The following CSMD1 variants were observed in gnomAD, a reference collection of about 807,000 sequenced individuals.
CSMD1 encodes the protein CUB and sushi domain-containing protein 1.
Under a neutral mutation model 417.5 loss-of-function variants are expected in CSMD1, and 213 were observed. That is an observed-to-expected ratio of 0.51 (90% CI 0.46 to 0.57). CSMD1 has a LOEUF of 0.57. Ranked by LOEUF, CSMD1 falls within the 20% of genes least tolerant of loss-of-function variation. The pLI is 0.00. For synonymous variants in CSMD1, 2,862 were observed against 1,736.8 expected (o/e 1.65, Z -16.11); for missense variants, 6,923 against 4,529.7 (o/e 1.53, Z -15.17).
chr8:4,593,827 T>C (rs976381206), intron 2 of CSMD1, among the ~76,000 whole-genome samples: 1 of 152,210 alleles, frequency 6.6e-6, no homozygotes, highest in Admixed American at 6.5e-5. Flanking sequence ...TTCTAGAGAA[T>C]GGAGCAGTTT....
chr8:3,887,774 G>C (rs1806664921), intron 5 of CSMD1, among the ~76,000 whole-genome samples: 1 of 152,116 alleles, frequency 6.6e-6, no homozygotes. Context: ...TAAATGAACT[G>C]AGTGTGTGGT....
chr8:4,260,503 TGTTAAAGAACACTA>T (rs1803802291), intron 3 of CSMD1, among the ~76,000 whole-genome samples: 2 of 152,196 alleles, frequency 1.3e-5, no homozygotes, highest in South Asian at 4.1e-4. Context: ...AGGCAAACAA[TGTTAAAGAACACTA>T]GTCAAATGGC....
chr8:4,696,492 G>C (rs1807142622), intron 1 of CSMD1, among the ~76,000 whole-genome samples: 1 of 152,196 alleles, frequency 6.6e-6, no homozygotes, highest in Non-Finnish European at 1.5e-5. Context: ...GAACTTCAGA[G>C]ATCTGTAGAG....
intron 3 of CSMD1, among the ~76,000 whole-genome samples, chr8:4,195,669 C>A (rs569578783): frequency 3.9e-5 from 6 of 152,242 alleles, no homozygotes; most frequent in Admixed American, 3.9e-4. Context: ...CATGATGAAG[C>A]AGAGGCTGTG....
chr8:4,308,646 C>T (rs547617251), intron 3 of CSMD1, among the ~76,000 whole-genome samples: 10 of 152,162 alleles, frequency 6.6e-5, no homozygotes, highest in African/African-American at 2.2e-4. Context: ...ATTCTTATTC[C>T]AAGAACAGTT....
intron 1 of CSMD1, among the ~76,000 whole-genome samples, chr8:4,698,967 C>T (rs188836114): frequency 2.0e-5 from 3 of 151,592 alleles, no homozygotes; most frequent in Non-Finnish European, 4.4e-5. Flanking sequence ...ACGAACACGT[C>T]AGGATTATCA....
chr8:4,376,671 C>A (rs966620781), intron 3 of CSMD1, among the ~76,000 whole-genome samples: 4 of 152,140 alleles, frequency 2.6e-5, no homozygotes, highest in African/African-American at 7.2e-5. Context: ...CATATCACAC[C>A]GTTGTTAACG....
intron 5 of CSMD1, among the ~76,000 whole-genome samples, chr8:3,762,089 C>T (rs754545787): frequency 6.6e-6 from 1 of 152,070 alleles, no homozygotes. Context: ...TCTCCTGAGC[C>T]CTCCCACTCA....
At chr8:4,280,237 A>C (rs544263774) in intron 3 of CSMD1, among the ~76,000 whole-genome samples, 1 of 152,358 alleles carries the variant, frequency 6.6e-6, no homozygotes, top group East Asian at 1.9e-4. Context: ...CTCTTTAGGC[A>C]TATAGTTAGC....
In CSMD1 at chr8:3,529,787, TCTGAG is replaced by T. The variant is rs543444060; in HGVS notation, c.1345-36066_1345-36062del. Among the ~76,000 whole-genome samples the T allele has an allele frequency of 3.9e-4, 60 of 152,294 alleles. 1 individual carries two copies. The South Asian group carries it at 4.8e-3, about 12-fold the overall frequency. On this transcript the variant is annotated intron_variant, in intron 10 of 69. Coordinates refer to ENST00000635120, the MANE Select transcript of CSMD1 (RefSeq NM_033225.6). ...TGCATCAACATACTTCGTTTCCTCT[TCTGAG>T]CAATCCCTCCTGGAATTTTCCCACT...
intron 9 of CSMD1, among the ~76,000 whole-genome samples, chr8:3,576,268 AAATAATAATAAT>A (rs60673988): frequency 1.8e-4 from 27 of 147,636 alleles, no homozygotes; most frequent in Admixed American, 7.4e-4. Context: ...ATGCATGTCA[AAATAATAATAAT>A]AATAATAATA....
At chr8:3,641,024 C>CTTTTTTTTTTTT (rs34851559) in intron 7 of CSMD1, among the ~76,000 whole-genome samples, 18 of 102,748 alleles carry the variant, frequency 1.8e-4, no homozygotes, top group East Asian at 5.7e-4. Flanking sequence ...TCCTTTTTTC[C>CTTTTTTTTTTTT]TTTTTTTTTT....
intron 49 of CSMD1, among the ~76,000 whole-genome samples, chr8:3,079,430 T>G (rs1813923738): frequency 6.6e-6 from 1 of 152,206 alleles, no homozygotes. Flanking sequence ...AATCTAAATG[T>G]CTGGAAATAT....
chr8:3,932,826 T>C (rs1375735417), intron 5 of CSMD1, among the ~76,000 whole-genome samples: 3 of 150,574 alleles, frequency 2.0e-5, no homozygotes, highest in African/African-American at 7.3e-5. Context: ...AATATATTTC[T>C]CTTTTTTATG....
intron 3 of CSMD1, among the ~76,000 whole-genome samples, chr8:4,302,279 G>C (rs899716378): frequency 2.0e-5 from 3 of 152,150 alleles, no homozygotes; most frequent in Non-Finnish European, 4.4e-5. Context: ...ATAGGTAAGA[G>C]ATATCCTTGG....
At chr8:3,711,856 G>A (rs560269329) in intron 6 of CSMD1, among the ~76,000 whole-genome samples, 22 of 152,136 alleles carry the variant, frequency 1.4e-4, no homozygotes, top group Non-Finnish European at 2.6e-4. Flanking sequence ...ATAATAAAGA[G>A]CATAGAACTC....
chr8:3,577,699 A>G (rs1028084682), intron 9 of CSMD1, among the ~76,000 whole-genome samples: 4 of 152,212 alleles, frequency 2.6e-5, no homozygotes, highest in Non-Finnish European at 4.4e-5. Flanking sequence ...CCTCCTTCTT[A>G]GGACATTGTT....
At chr8:4,699,829 G>T (rs977091508) in intron 1 of CSMD1, among the ~76,000 whole-genome samples, 1 of 152,206 alleles carries the variant, frequency 6.6e-6, no homozygotes, top group African/African-American at 2.4e-5. Flanking sequence ...TGCCGATGCA[G>T]AGAGTACAAG....
chr8:3,635,608 T>TGA (rs1584996055), intron 7 of CSMD1, among the ~76,000 whole-genome samples: 2 of 151,042 alleles, frequency 1.3e-5, no homozygotes, highest in East Asian at 4.0e-4. Flanking sequence ...GTCAACCTCC[T>TGA]GAGTAGCTGG....
Sources: gnomAD v4.1 joint callset for allele counts (sites outside exome capture counted in the v4.1 genomes callset) on GRCh38, gnomAD v4.1.1 for gene constraint, MANE v1.5 for transcripts, NCBI Gene and HGNC (gene_info 2026-07-23, HGNC 2026-07-21) for gene names.